Variants in LRRC7 observed in about 807,000 individuals in gnomAD.
LRRC7 encodes leucine rich repeat containing 7.
A neutral mutation model predicts 175.7 loss-of-function variants in LRRC7; 23 were observed. That is an observed-to-expected ratio of 0.13 (90% CI 0.09 to 0.19). The LOEUF (loss-of-function observed/expected upper bound fraction) is 0.19. Among genes scored for constraint, LRRC7 ranks in the 10% least tolerant of loss-of-function variants. The pLI, the probability that LRRC7 is intolerant of heterozygous loss-of-function variation, is 1.00. For missense variants in LRRC7, 1,354 were observed against 1,904.7 expected, an observed-to-expected ratio of 0.71 and a Z score of 5.38; for synonymous variants, 685 against 680.9, an observed-to-expected ratio of 1.01 and a Z score of -0.09.
At chr1:70,093,500 T>C (rs368725593) in intron 25 of LRRC7, among the ~76,000 whole-genome samples, 2 of 152,132 alleles carry the variant, frequency 1.3e-5, no homozygotes, top group African/African-American at 4.8e-5. Context: ...TAATAAGCAT[T>C]ATAATACATG....
intron 1 of LRRC7, among the ~76,000 whole-genome samples, chr1:69,592,407 T>C (rs190063111): frequency 6.6e-6 from 1 of 152,062 alleles, no homozygotes; most frequent in Non-Finnish European, 1.5e-5. Flanking sequence ...AGTGAGTGCA[T>C]ATATTTTTTT....
At chr1:69,748,908 T>C (rs1048486441) in intron 2 of LRRC7, among the ~76,000 whole-genome samples, 3 of 152,188 alleles carry the variant, frequency 2.0e-5, no homozygotes, top group African/African-American at 7.2e-5. Flanking sequence ...TTTTAGGTTA[T>C]TACCTTATGA....
In LRRC7 at chr1:69,655,031, G is replaced by T. The variant is rs141750786; in HGVS notation, c.3-23350G>T. 1.3e-3 allele frequency among the ~76,000 whole-genome samples: 195 copies of T among 152,008 alleles called. 1 individual carries two copies. The highest frequency in any genetic ancestry group is 4.4e-3 in the African/African-American group (182 of 41,474). On this transcript the variant is annotated intron_variant, in intron 1 of 26. Coordinates refer to ENST00000651989, the MANE Select transcript of LRRC7 (RefSeq NM_001370785.2). ...AAGCTGGTGCAATGTTCTATATCTC[G>T]AAGCTAATTTGTCTTATCCAACCAG...
intron 7 of LRRC7, among the ~76,000 whole-genome samples, chr1:69,912,838 G>A (rs1405507265): frequency 2.0e-5 from 3 of 152,116 alleles, no homozygotes; most frequent in Admixed American, 6.5e-5. Flanking sequence ...ATAGCCAGTT[G>A]CTGTTATTAA....
chr1:69,984,115 G>A (rs533066708), intron 9 of LRRC7, among the ~76,000 whole-genome samples: 89 of 152,010 alleles, frequency 5.9e-4, no homozygotes, highest in Middle Eastern at 6.8e-3. Flanking sequence ...TAGTAGAGAC[G>A]GGGTTTCACC....
chr1:70,120,675 T>C (rs1156461769), intron 26 of LRRC7, among the ~76,000 whole-genome samples: 7 of 152,094 alleles, frequency 4.6e-5, no homozygotes. Context: ...AGGCAATGTG[T>C]AACCAAAATA....
chr1:69,819,597 G>A (rs1570126509), intron 4 of LRRC7, among the ~76,000 whole-genome samples: 1 of 151,436 alleles, frequency 6.6e-6, no homozygotes, highest in African/African-American at 2.4e-5. Flanking sequence ...GTGTGTGTGT[G>A]TGTGTGTGTG....
At chr1:69,910,226 T>C (rs985884715) in intron 7 of LRRC7, among the ~76,000 whole-genome samples, 4 of 152,206 alleles carry the variant, frequency 2.6e-5, no homozygotes, top group Admixed American at 6.5e-5. Context: ...CCGTTGCTGG[T>C]GAGGAAGTGC....
chr1:69,699,459 GA>G (rs1183571550), intron 2 of LRRC7, among the ~76,000 whole-genome samples: 1 of 152,092 alleles, frequency 6.6e-6, no homozygotes, highest in Non-Finnish European at 1.5e-5. Context: ...AGAATCACTT[GA>G]ACCCGGGAGG....
At chr1:69,994,535 T>A in intron 10 of LRRC7, 26 bp from the exon 11 acceptor site, 1 of 1,462,758 alleles carries the variant, frequency 6.8e-7, no homozygotes, top group Non-Finnish European at 9.6e-7. Flanking sequence ...CTCTTATGTA[T>A]TAATCAACCT....
intron 8 of LRRC7, among the ~76,000 whole-genome samples, chr1:69,934,854 T>C (rs1647825638): frequency 6.6e-6 from 1 of 152,018 alleles, no homozygotes; most frequent in South Asian, 2.1e-4. Flanking sequence ...GCTGCAAGCC[T>C]CCTTCACTGC....
At chr1:70,084,859 T>C (rs1663483658) in intron 24 of LRRC7, among the ~76,000 whole-genome samples, 1 of 152,184 alleles carries the variant, frequency 6.6e-6, no homozygotes, top group Admixed American at 6.5e-5. Context: ...TTCATTAGTA[T>C]CTCATTGTCA....
chr1:69,874,781 G>A (rs1006026512), intron 7 of LRRC7: 1 of 152,064 alleles, frequency 6.6e-6, no homozygotes, highest in Non-Finnish European at 1.5e-5. Context: ...GAAAGTAGAT[G>A]TTGGTTTTTT....
chr1:70,030,037 A>C (rs1014609249), intron 18 of LRRC7, among the ~76,000 whole-genome samples: 1 of 151,906 alleles, frequency 6.6e-6, no homozygotes, highest in Non-Finnish European at 1.5e-5. Flanking sequence ...TCCACTTCCT[A>C]TCTCTTCCAA....
At chr1:69,857,200 G>C (rs1453681305) in intron 7 of LRRC7, among the ~76,000 whole-genome samples, 1 of 152,066 alleles carries the variant, frequency 6.6e-6, no homozygotes, top group Admixed American at 6.6e-5. Context: ...TTGAAAACTG[G>C]CACAAGACAG....
intron 7 of LRRC7, among the ~76,000 whole-genome samples, chr1:69,867,113 T>C (rs1392564694): frequency 6.6e-6 from 1 of 152,172 alleles, no homozygotes. Flanking sequence ...TTCGTTCTGA[T>C]TATGATTTTA....
At chr1:69,853,392 C>T (rs1244872951) in intron 7 of LRRC7, among the ~76,000 whole-genome samples, 3 of 148,970 alleles carry the variant, frequency 2.0e-5, no homozygotes, top group East Asian at 4.0e-4. Context: ...GATTCTCCTG[C>T]GTCAGCCTCC....
At chr1:69,968,477 A>G (rs1041958489) in intron 8 of LRRC7, among the ~76,000 whole-genome samples, 2 of 152,216 alleles carry the variant, frequency 1.3e-5, no homozygotes, top group African/African-American at 2.4e-5. Flanking sequence ...TCACAAAGAG[A>G]TCATCACCCA....
chr1:69,697,604 T>C (rs1662774126), intron 2 of LRRC7, among the ~76,000 whole-genome samples: 1 of 152,190 alleles, frequency 6.6e-6, no homozygotes, highest in South Asian at 2.1e-4. Flanking sequence ...TATACACTAA[T>C]GATAAAATTG....
Sources: allele counts gnomAD v4.1 joint callset (sites outside exome capture counted in the v4.1 genomes callset), GRCh38; gene constraint gnomAD v4.1.1; transcripts MANE v1.5; gene names NCBI Gene and HGNC (gene_info 2026-07-23, HGNC 2026-07-21).